Variants in CADM2 observed in about 807,000 individuals in gnomAD.
The protein encoded by CADM2 is immunoglobulin superfamily member 4D.
In CADM2, 12 loss-of-function variants were observed where a neutral mutation model predicts 49.8. That is an observed-to-expected ratio of 0.24 (90% CI 0.15 to 0.39). The LOEUF (loss-of-function observed/expected upper bound fraction) is 0.39, where lower values mean the gene tolerates loss of function less well. Ranked by LOEUF, CADM2 falls within the 10% of genes least tolerant of loss-of-function variation. CADM2 has a pLI of 1.00. For synonymous variants in CADM2, 214 were observed against 175.4 expected (o/e 1.22, Z -1.74); for missense variants, 378 against 492.3 (o/e 0.77, Z 2.20).
intron 1 of CADM2, among the ~76,000 whole-genome samples, chr3:85,666,699 T>G (rs1406933873): frequency 2.7e-5 from 2 of 74,012 alleles, no homozygotes; most frequent in African/African-American, 9.1e-5. Context: ...CTGTGTTGAT[T>G]TTTCTTCCTT....
At chr3:85,826,308 ATTAT>A (rs1175490768) in intron 3 of CADM2, among the ~76,000 whole-genome samples, 11 of 152,162 alleles carry the variant, frequency 7.2e-5, no homozygotes, top group Middle Eastern at 3.4e-3. Context: ...TGCCCACTGT[ATTAT>A]TTAATGAACA....
intron 3 of CADM2, among the ~76,000 whole-genome samples, chr3:85,850,411 G>T (rs1189209889): frequency 7.4e-6 from 1 of 135,228 alleles, no homozygotes; most frequent in African/African-American, 2.7e-5. Context: ...TGCAAGCTCC[G>T]CCTCCCGGGT....
chr3:85,101,264 A>T (rs2038001107), intron 1 of CADM2, among the ~76,000 whole-genome samples: 1 of 152,144 alleles, frequency 6.6e-6, no homozygotes, highest in Non-Finnish European at 1.5e-5. Context: ...AAAAACAAAC[A>T]AACAAACAAA....
At chr3:85,636,473 A>T (rs1032794706) in intron 1 of CADM2, among the ~76,000 whole-genome samples, 3 of 152,210 alleles carry the variant, frequency 2.0e-5, no homozygotes. Context: ...AAAAATTAGA[A>T]ATGTATAAAA....
chr3:85,496,996 G>A (rs965008771), intron 1 of CADM2, among the ~76,000 whole-genome samples: 2 of 149,198 alleles, frequency 1.3e-5, no homozygotes, highest in African/African-American at 4.9e-5. Flanking sequence ...GGCATGTGCC[G>A]TCATGCCCAG....
chr3:85,688,628 C>T (rs2066287440), intron 1 of CADM2, among the ~76,000 whole-genome samples: 1 of 148,338 alleles, frequency 6.7e-6, no homozygotes, highest in South Asian at 2.1e-4. Context: ...AGTGCAGGGG[C>T]ATGATCTTAT....
intron 1 of CADM2, among the ~76,000 whole-genome samples, chr3:85,450,072 C>T (rs1233581049): frequency 1.3e-5 from 2 of 152,126 alleles, no homozygotes; most frequent in Admixed American, 6.5e-5. Flanking sequence ...AATAAATGAG[C>T]TGCTTTCCTG....
intron 1 of CADM2, among the ~76,000 whole-genome samples, chr3:85,635,939 A>C (rs1223365503): frequency 1.3e-5 from 2 of 152,190 alleles, no homozygotes; most frequent in African/African-American, 4.8e-5. Flanking sequence ...AGAACAATAC[A>C]TTACTCATAT....
chr3:85,458,169 A>G (rs1177647528), intron 1 of CADM2, among the ~76,000 whole-genome samples: 1 of 152,134 alleles, frequency 6.6e-6, no homozygotes, highest in African/African-American at 2.4e-5. Flanking sequence ...TCTGCTTTGT[A>G]TCTTGTGGCC....
chr3:85,165,202 C>A (rs1390492410), intron 1 of CADM2, among the ~76,000 whole-genome samples: 1 of 151,842 alleles, frequency 6.6e-6, no homozygotes, highest in Non-Finnish European at 1.5e-5. Flanking sequence ...ATTACATTTA[C>A]TTCTGCGTGT....
intron 1 of CADM2, among the ~76,000 whole-genome samples, chr3:85,301,372 A>G (rs558414886): frequency 6.6e-6 from 1 of 152,196 alleles, no homozygotes; most frequent in Non-Finnish European, 1.5e-5. Flanking sequence ...CGGGATGTGG[A>G]AAAGGGAGAG....
At chr3:85,309,341 G>T (rs2044288238) in intron 1 of CADM2, among the ~76,000 whole-genome samples, 1 of 152,104 alleles carries the variant, frequency 6.6e-6, no homozygotes, top group Admixed American at 6.6e-5. Context: ...GTAAAGTAGT[G>T]CCACTGGGAT....
chr3:85,693,308 T>C (rs569784821), intron 1 of CADM2, among the ~76,000 whole-genome samples: 2 of 151,850 alleles, frequency 1.3e-5, no homozygotes, highest in East Asian at 3.9e-4. Flanking sequence ...AGGCCTGGCG[T>C]GGTGGCTCAC....
intron 1 of CADM2, among the ~76,000 whole-genome samples, chr3:85,652,377 G>A (rs547815633): frequency 2.6e-5 from 4 of 152,018 alleles, no homozygotes; most frequent in Non-Finnish European, 5.9e-5. Flanking sequence ...TATGATATCC[G>A]TTTATTTGGA....
At chr3:85,072,972 C>T (rs974058968) in intron 1 of CADM2, among the ~76,000 whole-genome samples, 4 of 151,980 alleles carry the variant, frequency 2.6e-5, no homozygotes, top group African/African-American at 7.2e-5. Flanking sequence ...GCTTAAAACC[C>T]TCTCTTTCCC....
chr3:85,423,234 A>G (rs919067206), intron 1 of CADM2, among the ~76,000 whole-genome samples: 1 of 151,022 alleles, frequency 6.6e-6, no homozygotes, highest in Non-Finnish European at 1.5e-5. Flanking sequence ...CCACTCTACC[A>G]CTCTTCTGCT....
At chr3:85,811,669 A>G (rs553132260) in intron 3 of CADM2, among the ~76,000 whole-genome samples, 61 of 152,312 alleles carry the variant, frequency 4.0e-4, no homozygotes, top group African/African-American at 1.4e-3. Flanking sequence ...ATGGTCAACA[A>G]TGATTGCAAT....
chr3:85,205,521 A>G (rs549289408), intron 1 of CADM2, among the ~76,000 whole-genome samples: 3 of 152,140 alleles, frequency 2.0e-5, no homozygotes, highest in Non-Finnish European at 4.4e-5. Context: ...AGATAGATAC[A>G]GAAGTATTAA....
chr3:85,705,903 G>A (rs2066933256), intron 1 of CADM2, among the ~76,000 whole-genome samples: 1 of 152,156 alleles, frequency 6.6e-6, no homozygotes, highest in Non-Finnish European at 1.5e-5. Flanking sequence ...CTGCAGCGAA[G>A]TCCTTCTCAC....
Sources: gnomAD v4.1 joint callset for allele counts (sites outside exome capture counted in the v4.1 genomes callset) on GRCh38, gnomAD v4.1.1 for gene constraint, MANE v1.5 for transcripts, NCBI Gene and HGNC (gene_info 2026-07-23, HGNC 2026-07-21) for gene names.